ABCG2: variants seen among roughly 807,000 people sequenced by gnomAD.
ABCG2 encodes ATP binding cassette subfamily G member 2 (JR blood group).
ABCG2 carries 80 observed loss-of-function variants against 73.5 expected under a neutral mutation model. The observed-to-expected ratio is 1.09, with a 90% CI of 0.91 to 1.31. The LOEUF (loss-of-function observed/expected upper bound fraction) is 1.31. Among genes scored for constraint, ABCG2 ranks in the 50% most tolerant of loss-of-function variants. The pLI, the probability that ABCG2 is intolerant of heterozygous loss-of-function variation, is 0.00. For synonymous variants in ABCG2, 269 were observed against 282.4 expected (o/e 0.95, Z 0.48); for missense variants, 796 against 786.2 (o/e 1.01, Z -0.15).
At chr4:88,211,374 C>A (rs1729592990) in intron 1 of ABCG2, among the ~76,000 whole-genome samples, 1 of 113,206 alleles carries the variant, frequency 8.8e-6, no homozygotes, top group Non-Finnish European at 1.8e-5. Context: ...CCCCCCCCCA[C>A]TTTTGGAGAC....
intron 1 of ABCG2, among the ~76,000 whole-genome samples, chr4:88,152,409 T>TGAGTC (rs1726557918): frequency 6.6e-6 from 1 of 152,058 alleles, no homozygotes; most frequent in Non-Finnish European, 1.5e-5. Flanking sequence ...GCAGGCGGGC[T>TGAGTC]GAGTCCGAAA....
At chr4:88,206,967 G>A (rs911078584) in intron 1 of ABCG2, among the ~76,000 whole-genome samples, 2 of 152,164 alleles carry the variant, frequency 1.3e-5, no homozygotes, top group African/African-American at 4.8e-5. Flanking sequence ...GGTAATTTGC[G>A]TATTTTCAGT....
chr4:88,097,699 TGAGAAA>T, intron 12 of ABCG2, 92 bp from the exon 13 acceptor site: 1 of 1,340,236 alleles, frequency 7.5e-7, no homozygotes, highest in Non-Finnish European at 1.0e-6. Flanking sequence ...ACTAATATTT[TGAGAAA>T]CTAATATTAG....
At chr4:88,106,133 G>GT (rs570320928) in intron 10 of ABCG2, among the ~76,000 whole-genome samples, 96 of 151,802 alleles carry the variant, frequency 6.3e-4, no homozygotes, top group Non-Finnish European at 1.1e-3. Flanking sequence ...CTAAAATAGG[G>GT]TTTTTTTTGT....
Position 88,090,361 on chromosome 4 carries a change from T to C in ABCG2, c.*1873A>G, listed in dbSNP as rs934565116. The C allele has an allele frequency of 6.6e-6, 1 of 152,154 alleles. No homozygotes were observed. The highest frequency in any genetic ancestry group is 1.5e-5 in the Non-Finnish European group (1 of 68,022). The allele number at this position is 152,154 out of a possible 1,614,324, so 9.4% of individuals were successfully genotyped here. Reference sequence around the variant, plus strand: ...TTTGTGTAAAAAGTATAGATAGATATTTCTCTCTGTGTAATAAGGGAAGGG... The same window carrying C: ...TTTGTGTAAAAAGTATAGATAGATACTTCTCTCTGTGTAATAAGGGAAGGG... On this transcript the variant is annotated 3_prime_UTR_variant, in exon 16 of 16. Coordinates refer to ENST00000237612, the MANE Select transcript of ABCG2 (RefSeq NM_004827.3).
upstream of ABCG2, chr4:88,158,926 C>T: frequency 2.9e-6 from 1 of 345,864 alleles, no homozygotes; most frequent in Non-Finnish European, 5.6e-6. Flanking sequence ...CCCTCCCCAG[C>T]GCCCCGGGTT....
chr4:88,227,882 G>C (rs984604136), intron 1 of ABCG2, among the ~76,000 whole-genome samples: 1 of 152,156 alleles, frequency 6.6e-6, no homozygotes, highest in African/African-American at 2.4e-5. Context: ...AAGATGCCGA[G>C]GCCAGAAAAG....
At chr4:88,141,923 T>C (rs1292991071) in intron 1 of ABCG2, among the ~76,000 whole-genome samples, 1 of 152,016 alleles carries the variant, frequency 6.6e-6, no homozygotes, top group African/African-American at 2.4e-5. Flanking sequence ...GGAACAAAGA[T>C]CTACAAAAAC....
rs544954978 is a variant in ABCG2 at position 88,227,017 on chromosome 4, T to G, written c.-20+3977A>C. 3.9e-5 allele frequency among the ~76,000 whole-genome samples: 6 copies of G among 152,190 alleles called. No homozygotes were observed. The South Asian group carries it at 1.2e-3, about 32-fold the overall frequency. On this transcript the variant is annotated intron_variant, in intron 1 of 15. Transcript: ENST00000515655. ...GTCCCAGCTACTCGGGAGGTTGATATGGAAGCCTTGAGGTAGAGGCTGTAG... is the reference window on the plus strand; with the variant it reads ...GTCCCAGCTACTCGGGAGGTTGATAGGGAAGCCTTGAGGTAGAGGCTGTAG...
At position 88,092,347 on chromosome 4, in the gene ABCG2, T is replaced by C. The variant is rs1433787722; in HGVS notation, c.1855A>G (p.Ile619Val). 6 of 1,612,750 alleles carry C rather than the reference T, an allele frequency of 3.7e-6. No homozygotes were observed. The highest frequency in any genetic ancestry group is 5.1e-6 in the Non-Finnish European group (6 of 1,179,740). Reference protein sequence around the residue: ...TGEEYLVKQGIDLSPWGLWKN... With the variant: ...TGEEYLVKQGVDLSPWGLWKN... ...CACAAGCCCCAGGGTGAGAGATCGA[T>C]GCCCTGCTTTACCAAATATTCTTCG... is the stretch of plus-strand genomic sequence containing the variant. The change falls in exon 16 of 16, where the codon ATC (isoleucine) becomes GTC (valine). Residue 619 changes from isoleucine to valine, a missense_variant. By Grantham distance (29) the Ile-to-Val change is conservative. Transcript: ENST00000237612.
intron 8 of ABCG2, among the ~76,000 whole-genome samples, chr4:88,113,833 G>A (rs1225329750): frequency 6.6e-6 from 1 of 151,882 alleles, no homozygotes; most frequent in Non-Finnish European, 1.5e-5. Flanking sequence ...GCGTGGTGGT[G>A]CGTGCCTGTA....
chr4:88,111,844 A>G (rs1723153721), intron 9 of ABCG2, among the ~76,000 whole-genome samples: 1 of 152,180 alleles, frequency 6.6e-6, no homozygotes, highest in Non-Finnish European at 1.5e-5. Context: ...TGATCCCAGC[A>G]CTTTGGGAGG....
intron 4 of ABCG2, 25 bp downstream of exon 4, chr4:88,131,778 A>G (rs1724894019): frequency 1.3e-6 from 2 of 1,571,398 alleles, no homozygotes; most frequent in Non-Finnish European, 1.7e-6. Context: ...GAGGAAACAG[A>G]AAATGCAAAC....
At chr4:88,094,468 G>T in intron 15 of ABCG2, 109 bp downstream of exon 15, 1 of 909,896 alleles carries the variant, frequency 1.1e-6, no homozygotes, top group Non-Finnish European at 1.7e-6. Flanking sequence ...CGTAGGCTCG[G>T]AAAAATTCAG....
chr4:88,136,170 G>A (rs745592560), intron 2 of ABCG2, among the ~76,000 whole-genome samples: 55 of 152,036 alleles, frequency 3.6e-4, no homozygotes, highest in African/African-American at 4.6e-4. Flanking sequence ...TCTCCCGCCC[G>A]CTTTGGCCAG....
intron 1 of ABCG2, among the ~76,000 whole-genome samples, chr4:88,156,653 G>A (rs560593766): frequency 3.9e-5 from 6 of 152,184 alleles, no homozygotes; most frequent in Admixed American, 2.0e-4. Flanking sequence ...TAGGGGTTTT[G>A]TTTAACCATT....
chr4:88,092,191 T>A lies in ABCG2; in HGVS notation c.*43A>T. On this transcript the variant is annotated 3_prime_UTR_variant, in exon 16 of 16. Coordinates refer to ENST00000237612, the MANE Select transcript of ABCG2 (RefSeq NM_004827.3). ...GATTGAATACTTCAATCAAAGTGCT[T>A]CTTTTTTATGTGAGGATAAATCATA... is the stretch of plus-strand genomic sequence containing the variant. 1 of 1,544,614 alleles carries A rather than the reference T, an allele frequency of 6.5e-7. No homozygotes were observed. The highest frequency in any genetic ancestry group is 1.2e-5 in the South Asian group (1 of 82,350).
intron 1 of ABCG2, among the ~76,000 whole-genome samples, chr4:88,214,281 T>C (rs996113558): frequency 1.3e-5 from 2 of 151,994 alleles, no homozygotes; most frequent in Admixed American, 6.6e-5. Flanking sequence ...CCCACTGTTA[T>C]CTATTTCCCC....
At chr4:88,152,366 G>A (rs1024620711) in intron 1 of ABCG2, among the ~76,000 whole-genome samples, 1 of 152,128 alleles carries the variant, frequency 6.6e-6, no homozygotes, top group Non-Finnish European at 1.5e-5. Context: ...AACAGGCTTC[G>A]TGTGAGCAAT....
Sources: gnomAD v4.1 joint callset for allele counts (sites outside exome capture counted in the v4.1 genomes callset) on GRCh38, gnomAD v4.1.1 for gene constraint, MANE v1.5 for transcripts, NCBI Gene and HGNC (gene_info 2026-07-23, HGNC 2026-07-21) for gene names.